LPP: variants seen among roughly 807,000 people sequenced by gnomAD.
The protein encoded by LPP is lipoma-preferred partner.
LPP carries 38 observed loss-of-function variants against 60.4 expected under a neutral mutation model. The observed-to-expected ratio is 0.63, with a 90% CI of 0.49 to 0.83. The LOEUF is 0.83. Ranked by LOEUF, LPP falls within the 40% of genes least tolerant of loss-of-function variation. LPP has a pLI of 0.00. For missense variants in LPP, 902 were observed against 783.6 expected, an observed-to-expected ratio of 1.15 and a Z score of -1.80; for synonymous variants, 328 against 290.8, an observed-to-expected ratio of 1.13 and a Z score of -1.30.
intron 3 of LPP, among the ~76,000 whole-genome samples, chr3:188,402,653 A>C (rs1782519842): frequency 6.6e-6 from 1 of 152,246 alleles, no homozygotes; most frequent in Non-Finnish European, 1.5e-5. Context: ...AGAAAGAGTA[A>C]CGTTCATTCA....
rs565064626 is a variant in LPP at position 188,318,617 on chromosome 3, C to T, written c.-66-23046C>T. Among the ~76,000 whole-genome samples, 43 of 152,040 alleles carry T rather than the reference C, an allele frequency of 2.8e-4. No homozygotes were observed. The East Asian group carries it at 8.1e-3, about 29-fold the overall frequency. ...ACCTACCTACCTACTTACATAAGTACCTACTTATATATGGAGAACACGGTG... is the reference window on the plus strand; with the variant it reads ...ACCTACCTACCTACTTACATAAGTATCTACTTATATATGGAGAACACGGTG... On this transcript the variant is annotated intron_variant, in intron 2 of 11. Transcript: ENST00000617246.
rs148632136 is a variant in LPP at position 188,873,864 on chromosome 3, G to A, written c.1711-487G>A. Among the ~76,000 whole-genome samples the A allele has an allele frequency of 1.6e-3, 237 of 152,174 alleles. 1 individual carries two copies. The highest frequency in any genetic ancestry group is 5.5e-3 in the African/African-American group (228 of 41,520). ...AGTAAATACACCGAACCCACTGGTGGCCCTTCTGCTTGGCAGACATCAGTC... is the reference window on the plus strand; with the variant it reads ...AGTAAATACACCGAACCCACTGGTGACCCTTCTGCTTGGCAGACATCAGTC... On this transcript the variant is annotated intron_variant, in intron 11 of 11. Coordinates refer to ENST00000617246, the MANE Select transcript of LPP (RefSeq NM_001375462.1).
chr3:188,458,472 T>C (rs1798261991), intron 4 of LPP, among the ~76,000 whole-genome samples: 2 of 152,202 alleles, frequency 1.3e-5, no homozygotes. Context: ...AAATGTATGC[T>C]TTTCAATTTT....
intron 2 of LPP, among the ~76,000 whole-genome samples, chr3:188,280,292 TCAAGGGGGTG>T (rs1248050829): frequency 6.6e-6 from 1 of 152,154 alleles, no homozygotes; most frequent in Non-Finnish European, 1.5e-5. Context: ...GTCATCTCTA[TCAAGGGGGTG>T]GGTCATCTAT....
Position 188,372,337 on chromosome 3 carries a change from G to A in LPP, c.-10+30618G>A, listed in dbSNP as rs892605086. On this transcript the variant is annotated intron_variant, in intron 3 of 11. Transcript: ENST00000617246. ...ATATAGATTTGTTAAAATAATTCACGATATTTCATATGTACACACAAGCTC... is the reference window on the plus strand; with the variant it reads ...ATATAGATTTGTTAAAATAATTCACAATATTTCATATGTACACACAAGCTC... Among the ~76,000 whole-genome samples, 16 of 151,758 alleles carry A rather than the reference G, an allele frequency of 1.1e-4. 1 individual carries two copies. Among genetic ancestry groups the A allele is most frequent in the South Asian group, 1.0e-3 (5 of 4,782 alleles).
At chr3:188,728,520 A>G (rs1481092808) in intron 8 of LPP, among the ~76,000 whole-genome samples, 1 of 152,224 alleles carries the variant, frequency 6.6e-6, no homozygotes, top group African/African-American at 2.4e-5. Context: ...ACCAAGAGAT[A>G]ATAAGCTTAT....
chr3:188,161,536 C>T (rs1718279346), intron 1 of LPP, among the ~76,000 whole-genome samples: 1 of 152,138 alleles, frequency 6.6e-6, no homozygotes, highest in Non-Finnish European at 1.5e-5. Flanking sequence ...CTGGGGCCTT[C>T]TTGGCCAGAG....
chr3:188,817,564 T>C (rs13092734), intron 9 of LPP, among the ~76,000 whole-genome samples: 15,270 of 152,266 alleles, frequency 0.1, 1,032 homozygotes, highest in Middle Eastern at 0.15. Flanking sequence ...GCAATTTTCT[T>C]TCCTGAAGCA....
rs769412928 is a variant in LPP at position 188,805,709 on chromosome 3, G to GT, written c.1410+45434dup. On this transcript the variant is annotated intron_variant, in intron 9 of 11. Transcript: ENST00000617246. ...TTCAGTTGTTGAGTTGAGATCTTTTGTTTTTTTCTAATATGAACATCCAAT... is the reference window on the plus strand; with the variant it reads ...TTCAGTTGTTGAGTTGAGATCTTTTGTTTTTTTTCTAATATGAACATCCAAT... Among the ~76,000 whole-genome samples, 7 of 151,218 alleles carry GT rather than the reference G, an allele frequency of 4.6e-5. No individual in the cohort carries two copies. The South Asian group carries it at 1.5e-3, about 31-fold the overall frequency.
chr3:188,742,103 T>C (rs1724640849), intron 8 of LPP, among the ~76,000 whole-genome samples: 1 of 152,114 alleles, frequency 6.6e-6, no homozygotes, highest in Non-Finnish European at 1.5e-5. Context: ...CTCTGTAAGG[T>C]ACCTCCATAC....
chr3:188,581,667 G>C (rs186333180), intron 6 of LPP, among the ~76,000 whole-genome samples: 2 of 152,088 alleles, frequency 1.3e-5, no homozygotes, highest in African/African-American at 4.8e-5. Context: ...TCTCCATTCA[G>C]CTGCAGCCTC....
intron 4 of LPP, among the ~76,000 whole-genome samples, chr3:188,418,559 TC>T (rs1786956014): frequency 6.6e-6 from 1 of 152,210 alleles, no homozygotes; most frequent in Admixed American, 6.5e-5. Flanking sequence ...ACACTGTATC[TC>T]ATGTTAATGC....
At chr3:188,738,123 GTCT>G (rs1161562321) in intron 8 of LPP, among the ~76,000 whole-genome samples, 1 of 151,936 alleles carries the variant, frequency 6.6e-6, no homozygotes, top group Non-Finnish European at 1.5e-5. Flanking sequence ...GAATGCAATT[GTCT>G]TCTTAGTCCA....
intron 5 of LPP, among the ~76,000 whole-genome samples, chr3:188,507,829 G>C (rs1814024053): frequency 6.6e-6 from 1 of 152,190 alleles, no homozygotes; most frequent in African/African-American, 2.4e-5. Context: ...TGCTTAAGCT[G>C]TTCCTTTTGC....
chr3:188,279,920 A>T (rs887223707), intron 2 of LPP, among the ~76,000 whole-genome samples: 20 of 152,342 alleles, frequency 1.3e-4, no homozygotes, highest in African/African-American at 4.6e-4. Context: ...TTTTAATGAC[A>T]GGTAACTCCA....
chr3:188,388,967 A>G (rs1779020418), intron 3 of LPP, among the ~76,000 whole-genome samples: 2 of 150,914 alleles, frequency 1.3e-5, no homozygotes, highest in Non-Finnish European at 2.9e-5. Flanking sequence ...GTTTATAGGA[A>G]GAGTCATAAT....
At chr3:188,603,894 A>G (rs1302239547) in intron 6 of LPP, among the ~76,000 whole-genome samples, 1 of 152,164 alleles carries the variant, frequency 6.6e-6, no homozygotes, top group African/African-American at 2.4e-5. Context: ...CCTCAATTGT[A>G]TTGTACAAAT....
At chr3:188,514,788 AT>A (rs1816854398) in intron 5 of LPP, among the ~76,000 whole-genome samples, 1 of 152,140 alleles carries the variant, frequency 6.6e-6, no homozygotes, top group Non-Finnish European at 1.5e-5. Flanking sequence ...AGAGAAGGAG[AT>A]TTATTTGCCC....
chr3:188,697,880 T>C (rs560555622), intron 7 of LPP, among the ~76,000 whole-genome samples: 1 of 146,968 alleles, frequency 6.8e-6, no homozygotes, highest in Non-Finnish European at 1.5e-5. Context: ...TTTCATATCT[T>C]CTTATTTTTT....
Sources: allele counts gnomAD v4.1 joint callset (sites outside exome capture counted in the v4.1 genomes callset), GRCh38; gene constraint gnomAD v4.1.1; transcripts MANE v1.5; gene names NCBI Gene and HGNC (gene_info 2026-07-23, HGNC 2026-07-21).